HEG1: variants seen among roughly 807,000 people sequenced by gnomAD.
HEG1 encodes the protein protein HEG homolog 1.
HEG1 carries 56 observed loss-of-function variants against 125.6 expected under a neutral mutation model. That is an observed-to-expected ratio of 0.45 (90% confidence interval 0.36 to 0.56). The LOEUF (loss-of-function observed/expected upper bound fraction) is 0.56, where lower values mean the gene tolerates loss of function less well. Ranked by LOEUF, HEG1 falls within the 20% of genes least tolerant of loss-of-function variation. The probability of loss-of-function intolerance (pLI) is 0.00; values close to 1 mark genes in which losing one functional copy is unlikely to be tolerated. For synonymous variants in HEG1, 644 were observed against 668.5 expected, an observed-to-expected ratio of 0.96 and a Z score of 0.57; for missense variants, 1,523 against 1,670.0, an observed-to-expected ratio of 0.91 and a Z score of 1.53.
At chr3:124,997,493 A>C (rs1165131988) in intron 12 of HEG1, among the ~76,000 whole-genome samples, 196 bp downstream of exon 12, 2 of 152,268 alleles carry the variant, frequency 1.3e-5, no homozygotes, top group East Asian at 3.8e-4. Context: ...ACCAGCATGC[A>C]CCAGTCAAAG....
At chr3:125,044,709 A>T (rs1275017017) in intron 1 of HEG1, among the ~76,000 whole-genome samples, 2 of 152,196 alleles carry the variant, frequency 1.3e-5, no homozygotes, top group African/African-American at 4.8e-5. Flanking sequence ...AGAAATAGAG[A>T]AAGAATGAAA....
chr3:125,011,983 A>G (rs1314424429), intron 6 of HEG1, among the ~76,000 whole-genome samples: 2 of 152,192 alleles, frequency 1.3e-5, no homozygotes, highest in African/African-American at 4.8e-5. Context: ...GATGTAAAGG[A>G]GCTCTGGCCG....
chr3:125,034,685 AGCTACTTGGAAG>A, intron 1 of HEG1, among the ~76,000 whole-genome samples: 1 of 152,098 alleles, frequency 6.6e-6, no homozygotes, highest in Non-Finnish European at 1.5e-5. Context: ...CGGTGGTCCC[AGCTACTTGGAAG>A]GCTGAGGTGG....
At chr3:125,015,800 ACC>A (rs370074525) in intron 5 of HEG1, among the ~76,000 whole-genome samples, 4,266 of 149,540 alleles carry the variant, frequency 0.029, 88 homozygotes, top group Non-Finnish European at 0.044. Flanking sequence ...AGAAAAAAAA[ACC>A]CAAAAAACAA....
intron 3 of HEG1, among the ~76,000 whole-genome samples, chr3:125,024,640 T>C (rs1450184108): frequency 6.6e-6 from 1 of 152,248 alleles, no homozygotes; most frequent in Non-Finnish European, 1.5e-5. Flanking sequence ...GGCCTATACT[T>C]GCTTTAACAC....
At chr3:124,979,308 C>T (rs1314484937) in intron 14 of HEG1, among the ~76,000 whole-genome samples, 1 of 152,028 alleles carries the variant, frequency 6.6e-6, no homozygotes, top group Non-Finnish European at 1.5e-5. Flanking sequence ...AGGAGGCAAC[C>T]CTAGGTTAGA....
At chr3:124,974,950 C>G (rs1451552712) in intron 15 of HEG1, among the ~76,000 whole-genome samples, 1 of 152,172 alleles carries the variant, frequency 6.6e-6, no homozygotes, top group Non-Finnish European at 1.5e-5. Flanking sequence ...CAGGAGCCAG[C>G]AGGCACAGGC....
intron 12 of HEG1, among the ~76,000 whole-genome samples, chr3:124,995,710 G>A (rs879600269): frequency 5.3e-5 from 8 of 152,182 alleles, no homozygotes; most frequent in Non-Finnish European, 1.0e-4. Flanking sequence ...CTGAGAAAGG[G>A]CTTCACGGGG....
chr3:125,034,164 A>G (rs1416629986), intron 1 of HEG1, among the ~76,000 whole-genome samples: 1 of 40,416 alleles, frequency 2.5e-5, no homozygotes, highest in African/African-American at 7.2e-5. Flanking sequence ...CTAGATAAAC[A>G]TATCTTCAAA....
At chr3:125,002,188 TCA>T in intron 10 of HEG1, 67 bp downstream of exon 10, 1 of 1,533,808 alleles carries the variant, frequency 6.5e-7, no homozygotes, top group Non-Finnish European at 9.0e-7. Context: ...TTTGTTGCTA[TCA>T]CCCATGTTAG....
At chr3:125,002,926 C>A (rs1937020456) in intron 9 of HEG1, among the ~76,000 whole-genome samples, 1 of 152,186 alleles carries the variant, frequency 6.6e-6, no homozygotes, top group Non-Finnish European at 1.5e-5. Context: ...GCCTGCTTCC[C>A]TGCTACCCTG....
chr3:125,000,658 C>T (rs1936986639), intron 11 of HEG1, among the ~76,000 whole-genome samples: 1 of 151,442 alleles, frequency 6.6e-6, no homozygotes. Flanking sequence ...CAGCTCTTAT[C>T]CCAGAATGAA....
chr3:125,041,903 T>C (rs1308099878), intron 1 of HEG1, among the ~76,000 whole-genome samples: 1 of 151,890 alleles, frequency 6.6e-6, no homozygotes, highest in Non-Finnish European at 1.5e-5. Context: ...ATAGGCAAAA[T>C]CACAGAGACA....
In HEG1 at chr3:125,029,362, C is replaced by A; in HGVS notation, c.443G>T (p.Gly148Val). ...SKEGVMVQTSGKSHAASDAPE... is the reference protein window; with the variant it reads ...SKEGVMVQTSVKSHAASDAPE... Reference sequence around the variant, plus strand: ...AGCATCCGAAGCAGCATGGCTCTTCCCAGAGGTCTGAACCATCACGCCCTC... The same window carrying A: ...AGCATCCGAAGCAGCATGGCTCTTCACAGAGGTCTGAACCATCACGCCCTC... Residue 148 changes from glycine to valine, a missense_variant, in exon 2 of 17, where the codon GGG becomes GTG. Physicochemically the swap from Gly to Val is moderately radical, Grantham distance 109. Coordinates refer to ENST00000311127, the MANE Select transcript of HEG1 (RefSeq NM_020733.2). 2 of 1,613,754 alleles carry A rather than the reference C, an allele frequency of 1.2e-6. No individual in the cohort carries two copies. The highest frequency in any genetic ancestry group is 1.7e-6 in the Non-Finnish European group (2 of 1,179,888).
At chr3:124,973,496 G>T (rs1469915694) in intron 16 of HEG1, among the ~76,000 whole-genome samples, 2 of 152,158 alleles carry the variant, frequency 1.3e-5, no homozygotes, top group Admixed American at 1.3e-4. Flanking sequence ...GAGGGTTACT[G>T]CTACAACCAC....
intron 12 of HEG1, among the ~76,000 whole-genome samples, chr3:124,993,487 T>C (rs1260568264): frequency 6.6e-6 from 1 of 152,140 alleles, no homozygotes; most frequent in Non-Finnish European, 1.5e-5. Flanking sequence ...GCCTCTCCCA[T>C]GTCTGGTGGC....
chr3:124,983,517 T>A (rs951494537), intron 14 of HEG1, among the ~76,000 whole-genome samples: 21 of 151,204 alleles, frequency 1.4e-4, no homozygotes, highest in African/African-American at 5.1e-4. Flanking sequence ...TTTTTTTTTT[T>A]AGAGATGAGG....
intron 14 of HEG1, among the ~76,000 whole-genome samples, chr3:124,987,523 CTTTTTTT>C (rs1204657705): frequency 5.9e-5 from 8 of 136,182 alleles, no homozygotes; most frequent in South Asian, 2.4e-4. Context: ...TTCTTTTTTT[CTTTTTTT>C]TTTTTTTTTT....
intron 9 of HEG1, among the ~76,000 whole-genome samples, chr3:125,003,095 C>A (rs1190738501): frequency 6.6e-6 from 1 of 152,182 alleles, no homozygotes; most frequent in South Asian, 2.1e-4. Context: ...TCTATGACAT[C>A]AGTGTATAGC....
Sources: gnomAD v4.1 joint callset for allele counts (sites outside exome capture counted in the v4.1 genomes callset) on GRCh38, gnomAD v4.1.1 for gene constraint, MANE v1.5 for transcripts, NCBI Gene and HGNC (gene_info 2026-07-23, HGNC 2026-07-21) for gene names.